ABLIM1: variants seen among roughly 807,000 people sequenced by gnomAD.
ABLIM1 encodes the protein actin-binding LIM protein 1.
ABLIM1 carries 40 observed loss-of-function variants against 107.0 expected under a neutral mutation model. That is an observed-to-expected ratio of 0.37 (90% CI 0.29 to 0.49). The LOEUF is 0.49. Ranked by LOEUF, ABLIM1 falls within the 20% of genes least tolerant of loss-of-function variation. The pLI is 0.97. For synonymous variants in ABLIM1, 357 were observed against 357.3 expected, an observed-to-expected ratio of 1.00 and a Z score of 0.01; for missense variants, 857 against 1,008.5, an observed-to-expected ratio of 0.85 and a Z score of 2.04.
intron 2 of ABLIM1, among the ~76,000 whole-genome samples, chr10:114,595,770 T>G (rs1475864402): frequency 6.6e-6 from 1 of 152,190 alleles, no homozygotes; most frequent in East Asian, 1.9e-4. Flanking sequence ...GGGAATTAGG[T>G]TCTCCTTCCT....
chr10:114,606,275 C>G (rs2076402731), intron 1 of ABLIM1, among the ~76,000 whole-genome samples: 1 of 152,002 alleles, frequency 6.6e-6, no homozygotes, highest in African/African-American at 2.4e-5. Context: ...CTTGCTCTGT[C>G]GCCAGGCTGG....
intron 6 of ABLIM1, among the ~76,000 whole-genome samples, chr10:114,512,740 G>A (rs1372859879): frequency 3.3e-5 from 5 of 151,862 alleles, no homozygotes; most frequent in African/African-American, 7.3e-5. Flanking sequence ...CAGGAGAATC[G>A]CTTGAACCCA....
intron 1 of ABLIM1, among the ~76,000 whole-genome samples, chr10:114,704,271 G>GCGCTCTCT (rs1415589522): frequency 4.9e-5 from 2 of 40,958 alleles, no homozygotes; most frequent in African/African-American, 7.3e-5. Context: ...TCTCTCTCTC[G>GCGCTCTCT]CTCTCTCTCT....
Position 114,726,513 on chromosome 10 carries a change from T to C in ABLIM1, c.-213+41548A>G, listed in dbSNP as rs188961363. The stretch of plus-strand genomic sequence containing the variant: ...GGGGGAGATTTTAAACAACCAGAGA[T>C]CACAATAGTTCACTCACCACTATCA... On this transcript the variant is annotated intron_variant, in intron 1 of 15. Transcript: ENST00000651092. Among the ~76,000 whole-genome samples the C allele has an allele frequency of 1.5e-4, 23 of 151,908 alleles. No homozygotes were observed. The East Asian group carries it at 1.7e-3, about 12-fold the overall frequency.
Position 114,436,228 on chromosome 10 carries a change from T to A in ABLIM1, c.*32A>T. On this transcript the variant is annotated 3_prime_UTR_variant, in exon 23 of 23. Transcript: ENST00000533213. Reference sequence around the variant, plus strand: ...TCCTATGGGGCACCGCCACTGTCAGTCCTTTCTCTAATTGCCATTCACGAG... The same window carrying A: ...TCCTATGGGGCACCGCCACTGTCAGACCTTTCTCTAATTGCCATTCACGAG... The A allele has an allele frequency of 6.4e-7, 1 of 1,567,006 alleles. No homozygotes were observed.
At chr10:114,461,734 G>A (rs763924690) in intron 12 of ABLIM1, among the ~76,000 whole-genome samples, 10 of 152,034 alleles carry the variant, frequency 6.6e-5, no homozygotes, top group African/African-American at 1.2e-4. Context: ...CATAAGAATC[G>A]CTTGAGCCTG....
At position 114,541,599 on chromosome 10, in the gene ABLIM1, C is replaced by T. The variant is rs534206832; in HGVS notation, c.894+3406G>A. On this transcript the variant is annotated intron_variant, in intron 6 of 22. Transcript: ENST00000533213. Reference sequence around the variant, plus strand: ...AGGACGTTTTTCTAGCTCACACGCCCATCTAAGGACTACGTCTGCTGGGTG... The same window carrying T: ...AGGACGTTTTTCTAGCTCACACGCCTATCTAAGGACTACGTCTGCTGGGTG... 8.5e-5 allele frequency among the ~76,000 whole-genome samples: 13 copies of T among 152,308 alleles called. No individual in the cohort carries two copies. In the South Asian group the frequency reaches 2.7e-3, roughly 32 times the overall value.
chr10:114,476,860 C>T lies in ABLIM1; in HGVS notation c.1042-2904G>A, dbSNP rs1423144511. On this transcript the variant is annotated intron_variant, in intron 8 of 22. Transcript: ENST00000533213. ...CAAGTGGCCAGGATCTCACATTTTC[C>T]AAACTTAATGTCAAAATGAAACCTC... is the stretch of plus-strand genomic sequence containing the variant. 2.0e-5 allele frequency among the ~76,000 whole-genome samples: 3 copies of T among 152,044 alleles called. No individual in the cohort carries two copies. The East Asian group carries it at 5.8e-4, about 29-fold the overall frequency.
At chr10:114,617,049 G>A (rs563321507) in intron 1 of ABLIM1, among the ~76,000 whole-genome samples, 1 of 152,198 alleles carries the variant, frequency 6.6e-6, no homozygotes, top group Admixed American at 6.5e-5. Flanking sequence ...TTACTTTTTA[G>A]GCAAACCTAT....
intron 1 of ABLIM1, among the ~76,000 whole-genome samples, chr10:114,718,043 G>GAGAAAGAGAAAGAAAGAA (rs2081729130): frequency 1.3e-5 from 1 of 77,106 alleles, no homozygotes; most frequent in African/African-American, 5.8e-5. Flanking sequence ...GAAAGAGAAA[G>GAGAAAGAGAAAGAAAGAA]AGAAAGAAAG....
chr10:114,536,988 C>T (rs1352444890), intron 6 of ABLIM1, among the ~76,000 whole-genome samples: 2 of 152,168 alleles, frequency 1.3e-5, no homozygotes, highest in African/African-American at 4.8e-5. Context: ...TGACATTTTA[C>T]ACTGGTAAAA....
chr10:114,550,445 C>T (rs576480800), intron 4 of ABLIM1, among the ~76,000 whole-genome samples: 9 of 152,066 alleles, frequency 5.9e-5, no homozygotes, highest in Non-Finnish European at 1.2e-4. Context: ...GCAGAAGGTA[C>T]GGAGATTTCT....
chr10:114,452,935 A>G (rs2062121886), intron 13 of ABLIM1, among the ~76,000 whole-genome samples: 1 of 152,222 alleles, frequency 6.6e-6, no homozygotes, highest in Non-Finnish European at 1.5e-5. Flanking sequence ...GTCCTTGGAG[A>G]AAGTCTCCAC....
intron 1 of ABLIM1, chr10:114,690,526 GA>G: frequency 7.2e-7 from 1 of 1,398,500 alleles, no homozygotes; most frequent in African/African-American, 1.4e-5. Context: ...CCCATGCCCA[GA>G]ACACGAAGGT....
chr10:114,486,987 G>GA (rs1413378626), intron 8 of ABLIM1, among the ~76,000 whole-genome samples: 1 of 152,182 alleles, frequency 6.6e-6, no homozygotes, highest in Non-Finnish European at 1.5e-5. Context: ...AAAGGGATCT[G>GA]AAAAAAGGCA....
chr10:114,725,435 C>A (rs2081936499), intron 1 of ABLIM1, among the ~76,000 whole-genome samples: 1 of 152,114 alleles, frequency 6.6e-6, no homozygotes, highest in African/African-American at 2.4e-5. Context: ...AAGGAGCCAG[C>A]ATACCTGTAT....
intron 3 of ABLIM1, among the ~76,000 whole-genome samples, chr10:114,571,999 T>C (rs919110769): frequency 6.6e-6 from 1 of 152,242 alleles, no homozygotes; most frequent in African/African-American, 2.4e-5. Flanking sequence ...TAAGAATTCA[T>C]ATTAGCTTCT....
chr10:114,660,519 G>C (rs534648596), upstream of ABLIM1, among the ~76,000 whole-genome samples: 26 of 151,546 alleles, frequency 1.7e-4, no homozygotes, highest in South Asian at 4.2e-4. Context: ...AAAAAAAACC[G>C]TATTTCCCAA....
chr10:114,556,508 C>G, intron 4 of ABLIM1, among the ~76,000 whole-genome samples: 1 of 152,160 alleles, frequency 6.6e-6, no homozygotes, highest in Non-Finnish European at 1.5e-5. Context: ...TGTTACTAGC[C>G]TGGCCTTCCT....
Sources: allele counts gnomAD v4.1 joint callset (sites outside exome capture counted in the v4.1 genomes callset), GRCh38; gene constraint gnomAD v4.1.1; transcripts MANE v1.5; gene names NCBI Gene and HGNC (gene_info 2026-07-23, HGNC 2026-07-21).